TPTE: variants seen among roughly 807,000 people sequenced by gnomAD.
TPTE encodes the protein transmembrane phosphatase with tensin homology.
In TPTE, 59 loss-of-function variants were observed where a neutral mutation model predicts 84.1. That is an observed-to-expected ratio of 0.70 (90% CI 0.57 to 0.87). The LOEUF (loss-of-function observed/expected upper bound fraction) is 0.87, where lower values mean the gene tolerates loss of function less well. TPTE is among the 40% of genes least tolerant of loss of function. The probability of loss-of-function intolerance (pLI) is 0.00; values close to 1 mark genes in which losing one functional copy is unlikely to be tolerated. For synonymous variants in TPTE, 130 were observed against 223.5 expected (o/e 0.58, Z 3.73); for missense variants, 382 against 659.6 (o/e 0.58, Z 4.61).
At chr21:10,546,083 G>A (rs2074462173) in intron 7 of TPTE, among the ~76,000 whole-genome samples, 1 of 152,302 alleles carries the variant, frequency 6.6e-6, no homozygotes, top group Non-Finnish European at 1.5e-5. Flanking sequence ...GTAAACTGAA[G>A]GTTTGTAGCA....
At chr21:10,538,819 TATCC>T (rs1280565139) in intron 4 of TPTE, 85 bp downstream of exon 4, 10 of 1,613,160 alleles carry the variant, frequency 6.2e-6, no homozygotes, top group African/African-American at 2.7e-5. Flanking sequence ...TAAACAAATA[TATCC>T]ATCCATCCAT....
chr21:10,603,530 A>G, intron 22 of TPTE, 32 bp from the exon 23 acceptor site: 1 of 1,585,482 alleles, frequency 6.3e-7, no homozygotes, highest in Non-Finnish European at 8.6e-7. Context: ...TCTTGGTATC[A>G]GTTTTACTTT....
chr21:10,589,374 C>T (rs2075423213), intron 17 of TPTE, among the ~76,000 whole-genome samples: 1 of 152,310 alleles, frequency 6.6e-6, no homozygotes, highest in Non-Finnish European at 1.5e-5. Context: ...GCCAGTGCTG[C>T]TGGCTGTGTA....
chr21:10,522,902 AAT>A (rs1283761832), intron 1 of TPTE, among the ~76,000 whole-genome samples: 2 of 152,302 alleles, frequency 1.3e-5, no homozygotes, highest in African/African-American at 4.8e-5. Context: ...TTCTAGCGAG[AAT>A]ATGAGTGTAT....
At chr21:10,536,188 G>T (rs1221135604) in intron 3 of TPTE, among the ~76,000 whole-genome samples, 5 of 152,304 alleles carry the variant, frequency 3.3e-5, no homozygotes, top group Non-Finnish European at 7.3e-5. Context: ...TGAGGAAGGA[G>T]AATTGCTTGA....
chr21:10,603,667 A>C, intron 23 of TPTE, 35 bp downstream of exon 23: 1 of 1,602,870 alleles, frequency 6.2e-7, no homozygotes, highest in Non-Finnish European at 8.5e-7. Context: ...GAAACAGCCT[A>C]ATCTTCAATG....
intron 3 of TPTE, among the ~76,000 whole-genome samples, chr21:10,529,274 G>T (rs548517104): frequency 1.3e-5 from 2 of 152,344 alleles, no homozygotes; most frequent in South Asian, 4.1e-4. Flanking sequence ...ATATCTAAAA[G>T]TTCATTTGAA....
chr21:10,557,970 A>C (rs1375294166), intron 8 of TPTE, among the ~76,000 whole-genome samples: 1 of 152,312 alleles, frequency 6.6e-6, no homozygotes, highest in Admixed American at 6.5e-5. Flanking sequence ...AGTCCTTATG[A>C]TTTAGCTACC....
At chr21:10,569,647 G>A (rs538376712) in intron 12 of TPTE, 36 bp from the exon 13 acceptor site, 4 of 1,614,002 alleles carry the variant, frequency 2.5e-6, no homozygotes, top group South Asian at 1.1e-5. Context: ...ATGTTGATGA[G>A]TGTTTCACAA....
chr21:10,530,209 G>A (rs2074152924), intron 3 of TPTE, among the ~76,000 whole-genome samples: 1 of 152,308 alleles, frequency 6.6e-6, no homozygotes, highest in Non-Finnish European at 1.5e-5. Context: ...AGAACCTCAT[G>A]CCCTTTAGAA....
At chr21:10,523,805 A>G (rs1478099951) in intron 1 of TPTE, among the ~76,000 whole-genome samples, 4 of 152,430 alleles carry the variant, frequency 2.6e-5, no homozygotes, top group East Asian at 3.8e-4. Context: ...TCCTTTGGGT[A>G]TATACCCAGT....
chr21:10,543,734 CT>C (rs1391505108), intron 7 of TPTE, among the ~76,000 whole-genome samples: 11 of 152,416 alleles, frequency 7.2e-5, no homozygotes, highest in African/African-American at 2.4e-4. Flanking sequence ...ATTTGTCACC[CT>C]CAATTTCTGG....
chr21:10,561,994 G>T (rs1218086556), intron 10 of TPTE, among the ~76,000 whole-genome samples: 2 of 152,306 alleles, frequency 1.3e-5, no homozygotes, highest in Non-Finnish European at 2.9e-5. Context: ...GGCCACAGAG[G>T]TGCTTATGTC....
chr21:10,554,139 AT>A lies in TPTE; in HGVS notation c.233+1430del, dbSNP rs1384864547. 3.3e-5 allele frequency among the ~76,000 whole-genome samples: 5 copies of A among 152,390 alleles called. No homozygotes were observed. In the South Asian group the frequency reaches 1.0e-3, roughly 32 times the overall value. ...ACCTTATTAATGACATCATGGCTAT[AT>A]TTTTTTGTTAATATATATTCATGTG... On this transcript the variant is annotated intron_variant, in intron 8 of 23. Coordinates refer to ENST00000618007, the MANE Select transcript of TPTE (RefSeq NM_199261.4).
At chr21:10,572,084 G>T (rs538059045) in intron 14 of TPTE, among the ~76,000 whole-genome samples, 2 of 152,400 alleles carry the variant, frequency 1.3e-5, no homozygotes, top group African/African-American at 4.8e-5. Context: ...AAGCTCAAAG[G>T]TTCTCAAATA....
rs371553798 is a variant in TPTE, at chr21:10,525,249, T to C, written c.-102+561T>C. Among the ~76,000 whole-genome samples the C allele has an allele frequency of 4.6e-5, 7 of 152,428 alleles. No individual in the cohort carries two copies. In the East Asian group the frequency reaches 9.6e-4, roughly 21 times the overall value. On this transcript the variant is annotated intron_variant, in intron 2 of 23. Transcript: ENST00000618007. ...AGCAGCATGATGGATGTTACAATTATATGACATTTTAAGATCTGTGAATCA... is the reference window on the plus strand; with the variant it reads ...AGCAGCATGATGGATGTTACAATTACATGACATTTTAAGATCTGTGAATCA...
chr21:10,522,473 G>A (rs1239468439), intron 1 of TPTE, among the ~76,000 whole-genome samples: 4 of 152,310 alleles, frequency 2.6e-5, no homozygotes, highest in African/African-American at 4.8e-5. Flanking sequence ...GGACGTCGGC[G>A]TAGGGTCCCC....
Position 10,570,347 on chromosome 21 carries a change from TA to T in TPTE, c.731-137del, listed in dbSNP as rs1302053963. 3 of 1,443,092 alleles carry T rather than the reference TA, an allele frequency of 2.1e-6. No individual in the cohort carries two copies. The African/African-American group carries it at 4.3e-5, about 21-fold the overall frequency. 89.4% of individuals were successfully genotyped at this position (1,443,092 alleles called of 1,614,324 possible). A position where few individuals can be genotyped will look rare whatever the true frequency, so the allele number is the denominator to read the frequency against. ...TATGTTATTTGATTATCCTGAGTAT[TA>T]GCTCTTTTCTGTCAACCTCAATCTT... On this transcript the variant is annotated intron_variant, in intron 13 of 23. Coordinates refer to ENST00000618007, the MANE Select transcript of TPTE (RefSeq NM_199261.4).
intron 3 of TPTE, among the ~76,000 whole-genome samples, chr21:10,532,014 T>C (rs1279128979): frequency 1.3e-5 from 2 of 152,312 alleles, no homozygotes; most frequent in South Asian, 2.1e-4. Context: ...TTGATACTTA[T>C]GGCATCCCTA....
Sources: allele counts gnomAD v4.1 joint callset (sites outside exome capture counted in the v4.1 genomes callset), GRCh38; gene constraint gnomAD v4.1.1; transcripts MANE v1.5; gene names NCBI Gene and HGNC (gene_info 2026-07-23, HGNC 2026-07-21).